The following DSE variants were observed in gnomAD, a reference collection of about 807,000 sequenced individuals.
DSE encodes the protein dermatan-sulfate epimerase.
In DSE, 36 loss-of-function variants were observed where a neutral mutation model predicts 84.4. The observed-to-expected ratio is 0.43, with a 90% CI of 0.33 to 0.56. The LOEUF (loss-of-function observed/expected upper bound fraction) is 0.56. Among genes scored for constraint, DSE ranks in the 20% least tolerant of loss-of-function variants. The pLI is 0.06. For missense variants in DSE, 862 were observed against 1,169.6 expected, an observed-to-expected ratio of 0.74 and a Z score of 3.84; for synonymous variants, 410 against 430.1, an observed-to-expected ratio of 0.95 and a Z score of 0.58.
Position 116,393,145 on chromosome 6 carries a change from G to A in DSE, c.-53-6053G>A, listed in dbSNP as rs543255563. Among the ~76,000 whole-genome samples, 3 of 152,292 alleles carry A rather than the reference G, an allele frequency of 2.0e-5. No individual in the cohort carries two copies. The South Asian group carries it at 6.2e-4, about 32-fold the overall frequency. ...CAGAATAAAGGAGAAAAAAGAAGTG[G>A]TCGCCTTTTGTATATGAAGAATTAA... On this transcript the variant is annotated intron_variant, in intron 1 of 5. Coordinates refer to ENST00000644252, the MANE Select transcript of DSE (RefSeq NM_013352.4).
chr6:116,418,829 A>T (rs981227618), intron 2 of DSE, among the ~76,000 whole-genome samples: 2 of 152,190 alleles, frequency 1.3e-5, no homozygotes, highest in Non-Finnish European at 2.9e-5. Flanking sequence ...TTCACTGTTT[A>T]ACTGTGTGGC....
Position 116,259,149 on chromosome 6 carries a change from G to A in DSE, c.-54+182G>A, listed in dbSNP as rs564323534. On this transcript the variant is annotated intron_variant, in intron 2 of 3. Transcript: ENST00000430252. ...CACAGCCTGAGTGTCTCTGTTGCTC[G>A]ACGTAGACCATGCGCCACCCTGGCA... The A allele has an allele frequency of 9.2e-5, 99 of 1,071,656 alleles. 1 individual carries two copies. The highest frequency in any genetic ancestry group is 9.0e-4 in the African/African-American group (58 of 64,358). 66.4% of individuals were successfully genotyped at this position (1,071,656 alleles called of 1,614,324 possible). A position where few individuals can be genotyped will look rare whatever the true frequency, so the allele number is the denominator to read the frequency against.
intron 1 of DSE, among the ~76,000 whole-genome samples, chr6:116,388,318 G>A (rs1229052718): frequency 3.3e-5 from 5 of 152,282 alleles, no homozygotes; most frequent in African/African-American, 9.6e-5. Context: ...TAGGCCGAGA[G>A]AAAATCTTCC....
intron 2 of DSE, among the ~76,000 whole-genome samples, chr6:116,332,800 C>A (rs9488906): frequency 0.026 from 4,008 of 152,008 alleles, 183 homozygotes; most frequent in African/African-American, 0.087. Flanking sequence ...AAGTCTTGTG[C>A]CTGGTATAAA....
At chr6:116,387,290 A>G (rs1245446952) in intron 1 of DSE, among the ~76,000 whole-genome samples, 2 of 152,210 alleles carry the variant, frequency 1.3e-5, no homozygotes, top group Non-Finnish European at 2.9e-5. Context: ...GTAATGAAAC[A>G]GTACTTAGGA....
intron 2 of DSE, among the ~76,000 whole-genome samples, chr6:116,304,447 T>C (rs1406158867): frequency 6.6e-6 from 1 of 152,224 alleles, no homozygotes; most frequent in Non-Finnish European, 1.5e-5. Flanking sequence ...CAGTGGGTTC[T>C]GAGGCAGCAT....
At chr6:116,333,368 G>T (rs1259597897) in intron 2 of DSE, among the ~76,000 whole-genome samples, 1 of 152,196 alleles carries the variant, frequency 6.6e-6, no homozygotes, top group Non-Finnish European at 1.5e-5. Flanking sequence ...CACATAGTGA[G>T]ACAATGTGAG....
chr6:116,318,260 AC>A (rs1269216607), intron 2 of DSE, among the ~76,000 whole-genome samples: 1 of 152,192 alleles, frequency 6.6e-6, no homozygotes, highest in Admixed American at 6.5e-5. Flanking sequence ...TAATCCCAAC[AC>A]TTTGGGAGGC....
intron 2 of DSE, among the ~76,000 whole-genome samples, chr6:116,408,332 A>T (rs1260905418): frequency 1.3e-5 from 2 of 152,092 alleles, no homozygotes; most frequent in Non-Finnish European, 2.9e-5. Flanking sequence ...TTCTTGGTTT[A>T]TTTGTCTCCT....
chr6:116,434,212 C>T (rs1226273572), intron 5 of DSE, among the ~76,000 whole-genome samples: 1 of 152,036 alleles, frequency 6.6e-6, no homozygotes, highest in Non-Finnish European at 1.5e-5. Flanking sequence ...AAAGTATTGC[C>T]AAATATGTTG....
At chr6:116,272,151 T>G (rs920005845) in intron 2 of DSE, among the ~76,000 whole-genome samples, 1 of 152,246 alleles carries the variant, frequency 6.6e-6, no homozygotes, top group Non-Finnish European at 1.5e-5. Flanking sequence ...TTCCTCTTTA[T>G]TGTTGAGTGG....
chr6:116,336,956 T>C (rs1240040859), intron 2 of DSE, among the ~76,000 whole-genome samples: 3 of 152,202 alleles, frequency 2.0e-5, no homozygotes, highest in African/African-American at 7.2e-5. Flanking sequence ...GACTATAGAT[T>C]CAAAGCAACA....
At chr6:116,279,619 G>C (rs768428571) in intron 2 of DSE, 3 of 1,603,050 alleles carry the variant, frequency 1.9e-6, no homozygotes, top group African/African-American at 1.3e-5. Context: ...GGCATCCTGG[G>C]GTACGCCCCC....
At chr6:116,271,639 G>T (rs1372268794) in intron 2 of DSE, among the ~76,000 whole-genome samples, 3 of 152,166 alleles carry the variant, frequency 2.0e-5, no homozygotes, top group East Asian at 3.9e-4. Flanking sequence ...AATTGAAAGA[G>T]AAATAAGTTT....
chr6:116,285,562 T>C lies in DSE; in HGVS notation c.-54+26595T>C, dbSNP rs186079885. 5.9e-5 allele frequency among the ~76,000 whole-genome samples: 9 copies of C among 152,350 alleles called. No homozygotes were observed. In the East Asian group the frequency reaches 1.7e-3, roughly 29 times the overall value. ...TGTCAGTTTTGGCTTTTGTTGCCATTGCTTTTGGTGTTTTAGTCATGAAAT... is the reference window on the plus strand; with the variant it reads ...TGTCAGTTTTGGCTTTTGTTGCCATCGCTTTTGGTGTTTTAGTCATGAAAT... On this transcript the variant is annotated intron_variant, in intron 2 of 3. Transcript: ENST00000430252.
intron 2 of DSE, among the ~76,000 whole-genome samples, chr6:116,266,850 T>G (rs184183984): frequency 7.7e-4 from 117 of 152,332 alleles, no homozygotes; most frequent in Non-Finnish European, 1.2e-3. Flanking sequence ...ATCTAAAAAG[T>G]GCAAATTTTT....
intron 2 of DSE, among the ~76,000 whole-genome samples, chr6:116,350,017 C>G (rs943644014): frequency 2.0e-5 from 3 of 152,198 alleles, no homozygotes; most frequent in Non-Finnish European, 4.4e-5. Flanking sequence ...TTCATGTTTA[C>G]ATGCATAGTC....
chr6:116,352,744 G>A (rs1175406241), intron 2 of DSE, among the ~76,000 whole-genome samples: 1 of 152,104 alleles, frequency 6.6e-6, no homozygotes, highest in Non-Finnish European at 1.5e-5. Context: ...AACAGACCTG[G>A]CAGAGAAATC....
intron 1 of DSE, among the ~76,000 whole-genome samples, chr6:116,378,646 A>G (rs1156289310): frequency 6.6e-6 from 1 of 152,164 alleles, no homozygotes; most frequent in Non-Finnish European, 1.5e-5. Context: ...TAATTAATAA[A>G]TATCTATATT....
Sources: gnomAD v4.1 joint callset for allele counts (sites outside exome capture counted in the v4.1 genomes callset) on GRCh38, gnomAD v4.1.1 for gene constraint, MANE v1.5 for transcripts, NCBI Gene and HGNC (gene_info 2026-07-23, HGNC 2026-07-21) for gene names.